Variants in SHTN1 observed in about 807,000 individuals in gnomAD.
The protein encoded by SHTN1 is shootin 1.
Under a neutral mutation model 83.1 loss-of-function variants are expected in SHTN1, and 42 were observed. The observed-to-expected ratio is 0.51, with a 90% CI of 0.39 to 0.65. The LOEUF is 0.65. Among genes scored for constraint, SHTN1 ranks in the 30% least tolerant of loss-of-function variants. The pLI, the probability that SHTN1 is intolerant of heterozygous loss-of-function variation, is 0.00. For synonymous variants in SHTN1, 224 were observed against 247.7 expected, an observed-to-expected ratio of 0.90 and a Z score of 0.90; for missense variants, 622 against 737.8, an observed-to-expected ratio of 0.84 and a Z score of 1.82.
chr10:117,104,112 C>T (rs1239317382), intron 1 of SHTN1, among the ~76,000 whole-genome samples: 1 of 152,056 alleles, frequency 6.6e-6, no homozygotes, highest in African/African-American at 2.4e-5. Context: ...TATCTGGCAC[C>T]AAATCCACCA....
At chr10:116,888,376 T>G (rs1847227649) in intron 16 of SHTN1, among the ~76,000 whole-genome samples, 1 of 152,204 alleles carries the variant, frequency 6.6e-6, no homozygotes, top group South Asian at 2.1e-4. Flanking sequence ...ATGAGTAATA[T>G]TAAGGATTGA....
intron 13 of SHTN1, among the ~76,000 whole-genome samples, chr10:116,914,166 A>G (rs1382404009): frequency 6.6e-6 from 1 of 152,178 alleles, no homozygotes; most frequent in East Asian, 1.9e-4. Flanking sequence ...GCTGTGACAA[A>G]GTGGCAACTT....
chr10:117,061,833 C>T (rs1852908576), intron 1 of SHTN1, among the ~76,000 whole-genome samples: 1 of 152,176 alleles, frequency 6.6e-6, no homozygotes, highest in Admixed American at 6.5e-5. Flanking sequence ...ACAATCAGCA[C>T]CAACCAATTG....
intron 1 of SHTN1, among the ~76,000 whole-genome samples, chr10:117,108,639 T>G (rs191605822): frequency 1.1e-4 from 16 of 151,732 alleles, no homozygotes; most frequent in Non-Finnish European, 2.1e-4. Flanking sequence ...CACAGCAACA[T>G]GGCACATGTA....
intron 1 of SHTN1, among the ~76,000 whole-genome samples, chr10:117,087,126 T>C (rs1853362930): frequency 6.6e-6 from 1 of 152,004 alleles, no homozygotes; most frequent in Admixed American, 6.5e-5. Context: ...AAATAGGGAG[T>C]TATTGCTTAA....
chr10:117,093,906 G>A (rs978260522), intron 1 of SHTN1, among the ~76,000 whole-genome samples: 2 of 152,140 alleles, frequency 1.3e-5, no homozygotes, highest in African/African-American at 2.4e-5. Flanking sequence ...TAACAAACCT[G>A]GGTAAATAAA....
At chr10:117,085,422 T>C (rs1013061306) in intron 1 of SHTN1, among the ~76,000 whole-genome samples, 15 of 152,220 alleles carry the variant, frequency 9.9e-5, no homozygotes, top group African/African-American at 3.6e-4. Context: ...AAGTGTGTTG[T>C]TTAATCTCCA....
At chr10:116,963,133 G>A (rs186983879) in intron 3 of SHTN1, among the ~76,000 whole-genome samples, 4,564 of 115,294 alleles carry the variant, frequency 0.04, 240 homozygotes, top group African/African-American at 0.13. Flanking sequence ...GTGCAGTGGC[G>A]CAATCTCGGC....
At chr10:116,995,972 C>T (rs1241836538) in intron 1 of SHTN1, among the ~76,000 whole-genome samples, 1 of 152,094 alleles carries the variant, frequency 6.6e-6, no homozygotes, top group Non-Finnish European at 1.5e-5. Context: ...CCTAAGGAGG[C>T]ATTTTTGTAA....
intron 1 of SHTN1, among the ~76,000 whole-genome samples, chr10:117,092,684 G>A (rs564098244): frequency 6.6e-6 from 1 of 152,246 alleles, no homozygotes; most frequent in East Asian, 1.9e-4. Flanking sequence ...TTTATGTACT[G>A]GAATAAATCA....
chr10:117,031,465 C>T (rs1433281683), intron 2 of SHTN1, among the ~76,000 whole-genome samples: 4 of 152,150 alleles, frequency 2.6e-5, no homozygotes, highest in African/African-American at 9.7e-5. Flanking sequence ...TATTATAACA[C>T]TGTAACTGCA....
chr10:116,974,990 C>G (rs1290571005), intron 2 of SHTN1, among the ~76,000 whole-genome samples: 4 of 152,172 alleles, frequency 2.6e-5, no homozygotes, highest in African/African-American at 9.6e-5. Context: ...ATATAGTCAT[C>G]TATTTTTCTA....
At chr10:117,072,372 A>G (rs555042548) in intron 1 of SHTN1, among the ~76,000 whole-genome samples, 4 of 152,280 alleles carry the variant, frequency 2.6e-5, no homozygotes, top group South Asian at 2.1e-4. Flanking sequence ...AGAGGCCCAC[A>G]TCGTGAATTT....
intron 14 of SHTN1, among the ~76,000 whole-genome samples, chr10:116,908,070 T>C (rs1184093435): frequency 1.3e-5 from 2 of 152,272 alleles, no homozygotes; most frequent in East Asian, 3.9e-4. Context: ...TATTAAGAGA[T>C]TATGTTATTT....
chr10:117,006,268 A>G (rs1465137187), upstream of SHTN1, among the ~76,000 whole-genome samples: 2 of 149,734 alleles, frequency 1.3e-5, no homozygotes, highest in African/African-American at 2.4e-5. Context: ...TGTTTTTAAT[A>G]AAGATTACAG....
At chr10:116,945,570 T>C (rs1365929453) in intron 7 of SHTN1, among the ~76,000 whole-genome samples, 1 of 152,070 alleles carries the variant, frequency 6.6e-6, no homozygotes, top group Non-Finnish European at 1.5e-5. Context: ...CCAATAAACA[T>C]GTGGAAAGAT....
At chr10:116,889,308 G>T (rs191859830) in intron 16 of SHTN1, among the ~76,000 whole-genome samples, 2 of 152,282 alleles carry the variant, frequency 1.3e-5, no homozygotes, top group Admixed American at 1.3e-4. Context: ...AATTGTCCTG[G>T]AATTGTCTCA....
At chr10:116,942,069 G>A (rs1849392254) in intron 8 of SHTN1, among the ~76,000 whole-genome samples, 2 of 152,196 alleles carry the variant, frequency 1.3e-5, no homozygotes, top group South Asian at 2.1e-4. Flanking sequence ...GGAAGAGTAT[G>A]TGCATGTACA....
At chr10:117,051,846 A>C (rs576942343) in intron 1 of SHTN1, among the ~76,000 whole-genome samples, 2 of 151,796 alleles carry the variant, frequency 1.3e-5, no homozygotes, top group Admixed American at 6.6e-5. Context: ...TTCCCACTGT[A>C]ATCAGAACAA....
Sources: gnomAD v4.1 joint callset for allele counts (sites outside exome capture counted in the v4.1 genomes callset) on GRCh38, gnomAD v4.1.1 for gene constraint, MANE v1.5 for transcripts, NCBI Gene and HGNC (gene_info 2026-07-23, HGNC 2026-07-21) for gene names.